The following REV3L variants were observed in gnomAD, a reference collection of about 807,000 sequenced individuals.
REV3L encodes DNA polymerase zeta catalytic subunit.
In REV3L, 69 loss-of-function variants were observed where a neutral mutation model predicts 299.4. That is an observed-to-expected ratio of 0.23 (90% CI 0.19 to 0.28). REV3L has a LOEUF of 0.28. REV3L is among the 10% of genes least tolerant of loss of function. The pLI is 1.00. For synonymous variants in REV3L, 1,238 were observed against 1,271.4 expected (o/e 0.97, Z 0.56); for missense variants, 3,128 against 3,693.8 (o/e 0.85, Z 3.97).
chr6:111,375,143 T>C lies in REV3L; in HGVS notation c.3212A>G (p.Lys1071Arg). ...TTTTTTCCTGAAAGACAAAGTTCTT[T>C]TAATATTTTCATTATTTGTCCTTTG... ...KQQRTNNENIKRTLSFRKKRS... is the reference protein window; with the variant it reads ...KQQRTNNENIRRTLSFRKKRS... Residue 1071 changes from lysine (K) to arginine (R), a missense_variant, in exon 13 of 32, where the codon AAA (lysine) becomes AGA (arginine). Transcript: ENST00000368802. 1.2e-6 allele frequency: 2 copies of C among 1,608,326 alleles called. No individual in the cohort carries two copies. Among genetic ancestry groups the C allele is most frequent in the Non-Finnish European group, 1.7e-6 (2 of 1,178,506 alleles).
chr6:111,433,258 G>GT (rs956520822), intron 1 of REV3L, among the ~76,000 whole-genome samples: 8 of 151,742 alleles, frequency 5.3e-5, no homozygotes, highest in South Asian at 2.1e-4. Context: ...ATGAAAGGTT[G>GT]TTTTTTTTAA....
At chr6:111,311,036 A>T (rs1175818984) in intron 29 of REV3L, 33 bp downstream of exon 29, 1 of 1,547,988 alleles carries the variant, frequency 6.5e-7, no homozygotes, top group African/African-American at 1.4e-5. Context: ...GAATCTCAGG[A>T]CTATCCTGGC....
intron 9 of REV3L, among the ~76,000 whole-genome samples, chr6:111,383,334 G>A (rs11153287): frequency 0.39 from 58,932 of 152,020 alleles, 13,874 homozygotes; most frequent in Non-Finnish European, 0.53. Context: ...GGAAGAAGTC[G>A]AATTATCCTT....
chr6:111,385,515 A>G (rs1259376965), intron 9 of REV3L, among the ~76,000 whole-genome samples: 2 of 152,202 alleles, frequency 1.3e-5, no homozygotes, highest in Non-Finnish European at 2.9e-5. Context: ...AATTTTCATT[A>G]CATCAGGGTA....
intron 1 of REV3L, among the ~76,000 whole-genome samples, chr6:111,422,878 T>C (rs1367613960): frequency 6.6e-6 from 1 of 151,622 alleles, no homozygotes; most frequent in African/African-American, 2.4e-5. Context: ...ATTTATGCCA[T>C]TTTATTTCTT....
Position 111,367,897 on chromosome 6 carries a change from C to T in REV3L, c.5891G>A (p.Arg1964Lys), listed in dbSNP as rs1254213894. The T allele has an allele frequency of 8.1e-6, 13 of 1,614,100 alleles. No homozygotes were observed. Among genetic ancestry groups the T allele is most frequent in the South Asian group, 4.4e-5 (4 of 91,072 alleles). ...GCCACTGCGAAGGGGTGACCCTGGC[C>T]TTGGATTCTGAGTCATTGCTGAGAA... ...TAFSAMTQNPRPGSPLRSGQG... is the reference protein window; with the variant it reads ...TAFSAMTQNPKPGSPLRSGQG... The change falls in exon 14 of 32, where the codon AGG becomes AAG. Residue 1964 changes from arginine (R) to lysine (K), a missense_variant. Physicochemically the swap from Arg to Lys is conservative, Grantham distance 26. Around this residue, in one of 9 missense-constraint regions of REV3L, gnomAD observed 2,409 missense variants for 2,611.8 expected, o/e 0.92. Transcript: ENST00000368802.
At chr6:111,305,811 G>C (rs1175995983) in intron 31 of REV3L, among the ~76,000 whole-genome samples, 2 of 151,982 alleles carry the variant, frequency 1.3e-5, no homozygotes, top group Non-Finnish European at 2.9e-5. Context: ...CTAGGATCCA[G>C]CAAGGGAATT....
chr6:111,319,066 G>A (rs1038566373), intron 26 of REV3L, among the ~76,000 whole-genome samples: 2 of 151,638 alleles, frequency 1.3e-5, no homozygotes, highest in Non-Finnish European at 2.9e-5. Context: ...TGGTAACTTG[G>A]GCCTATATAT....
chr6:111,429,454 T>C (rs1786593857), intron 1 of REV3L, among the ~76,000 whole-genome samples: 1 of 152,206 alleles, frequency 6.6e-6, no homozygotes, highest in Admixed American at 6.5e-5. Context: ...TGTAAAGGTA[T>C]AAAACCCACT....
intron 1 of REV3L, among the ~76,000 whole-genome samples, chr6:111,438,486 C>T (rs551618619): frequency 2.2e-4 from 32 of 147,810 alleles, no homozygotes; most frequent in Non-Finnish European, 3.6e-4. Flanking sequence ...GGCTTTAAAC[C>T]CTGAATCATA....
Position 111,372,700 on chromosome 6 carries a change from T to TG in REV3L, c.5654dup (p.Ser1886LysfsTer2), listed in dbSNP as rs761303551. On this transcript the variant is annotated frameshift_variant, in exon 13 of 32. Transcript: ENST00000368802. LOFTEE classifies it high-confidence loss of function. ...AAGTTGCCATAATTTCTTCCCTACT[T>TG]GGGGGGGACATAAGTGGTTTCAGAA... is the stretch of plus-strand genomic sequence containing the variant. 3.7e-6 allele frequency: 6 copies of TG among 1,603,410 alleles called. No homozygotes were observed. The highest frequency in any genetic ancestry group is 3.4e-6 in the Non-Finnish European group (4 of 1,175,428).
intron 1 of REV3L, among the ~76,000 whole-genome samples, chr6:111,438,063 T>G (rs909479626): frequency 6.6e-6 from 1 of 151,714 alleles, no homozygotes; most frequent in Admixed American, 6.6e-5. Flanking sequence ...TCTCGCTAAG[T>G]GCTTAGACTG....
In REV3L at chr6:111,390,024, A is replaced by G. The variant is rs907764524; in HGVS notation, c.757+62T>C. The G allele has an allele frequency of 1.3e-4, 144 of 1,114,396 alleles. 1 individual carries two copies. The highest frequency in any genetic ancestry group is 3.9e-4 in the African/African-American group (22 of 56,754). The allele number at this position is 1,114,396 out of a possible 1,614,324, so 69.0% of individuals were successfully genotyped here. A position where few individuals can be genotyped will look rare whatever the true frequency, so the allele number is the denominator to read the frequency against. ...GCTGGGATTACAGGCGTGAGCCACCACACCCGCCGGTCATTAATTTTAAAA... is the reference window on the plus strand; with the variant it reads ...GCTGGGATTACAGGCGTGAGCCACCGCACCCGCCGGTCATTAATTTTAAAA... On this transcript the variant is annotated intron_variant, in intron 6 of 31. Transcript: ENST00000368802.
chr6:111,448,786 A>ATTT (rs367755463), intron 1 of REV3L, among the ~76,000 whole-genome samples: 5 of 133,540 alleles, frequency 3.7e-5, no homozygotes, highest in Non-Finnish European at 4.7e-5. Context: ...ACACTTGGCT[A>ATTT]TTTTTTTTTT....
chr6:111,365,547 G>A (rs763093033), intron 14 of REV3L, among the ~76,000 whole-genome samples: 13 of 151,994 alleles, frequency 8.6e-5, no homozygotes, highest in Admixed American at 3.3e-4. Flanking sequence ...TATTTTAAAT[G>A]TTTATGTTTT....
At chr6:111,430,792 G>A (rs563445996) in intron 1 of REV3L, 3 of 1,608,014 alleles carry the variant, frequency 1.9e-6, no homozygotes, top group Non-Finnish European at 2.6e-6. Flanking sequence ...GCATCGTGAA[G>A]GAATCTGGAG....
chr6:111,346,667 G>C (rs1777062563), intron 20 of REV3L, among the ~76,000 whole-genome samples: 1 of 152,030 alleles, frequency 6.6e-6, no homozygotes, highest in African/African-American at 2.4e-5. Flanking sequence ...TTAAAAAACA[G>C]GTTACCCAGC....
intron 31 of REV3L, among the ~76,000 whole-genome samples, chr6:111,301,829 G>T (rs990985162): frequency 5.9e-5 from 9 of 151,958 alleles, no homozygotes; most frequent in African/African-American, 2.2e-4. Context: ...TTAAAAAAAA[G>T]GTTATAAAAC....
At chr6:111,304,346 C>T (rs1027221290) in intron 31 of REV3L, among the ~76,000 whole-genome samples, 3 of 148,582 alleles carry the variant, frequency 2.0e-5, no homozygotes, top group African/African-American at 7.5e-5. Context: ...TATATAATCA[C>T]AAGGTCTGAC....
Sources: gnomAD v4.1 joint callset for allele counts (sites outside exome capture counted in the v4.1 genomes callset) on GRCh38, gnomAD v4.1.1 for gene constraint, gnomAD v4.1.1 regional missense constraint, MANE v1.5 for transcripts, NCBI Gene and HGNC (gene_info 2026-07-23, HGNC 2026-07-21) for gene names.